VNN2: variants seen among roughly 807,000 people sequenced by gnomAD.
The protein encoded by VNN2 is vanin 2, also known as pantetheine hydrolase VNN2.
In VNN2, 43 loss-of-function variants were observed where a neutral mutation model predicts 43.0. The ratio of observed to expected loss-of-function variants is 1.00; its 90% confidence interval spans 0.78 to 1.29. VNN2 has a LOEUF of 1.29. Ranked by LOEUF, VNN2 falls within the 50% of genes most tolerant of loss-of-function variation. The probability of loss-of-function intolerance (pLI) is 0.00; values close to 1 mark genes in which losing one functional copy is unlikely to be tolerated. For synonymous variants in VNN2, 230 were observed against 224.3 expected, an observed-to-expected ratio of 1.03 and a Z score of -0.23; for missense variants, 652 against 619.7, an observed-to-expected ratio of 1.05 and a Z score of -0.55.
At chr6:132,748,122 C>A (rs1377115366) in intron 6 of VNN2, among the ~76,000 whole-genome samples, 1 of 152,126 alleles carries the variant, frequency 6.6e-6, no homozygotes. Flanking sequence ...ATGGCTAGAC[C>A]CTATGTCCTC....
At chr6:132,759,259 G>A (rs945720740), upstream of VNN2, among the ~76,000 whole-genome samples, 2 of 151,484 alleles carry the variant, frequency 1.3e-5, no homozygotes, top group African/African-American at 2.4e-5. Context: ...CAACATAGTG[G>A]AACCCCCCAT....
intron 2 of VNN2, among the ~76,000 whole-genome samples, chr6:132,756,910 T>C (rs1363871513): frequency 6.6e-6 from 1 of 152,214 alleles, no homozygotes; most frequent in Non-Finnish European, 1.5e-5. Flanking sequence ...TTTTAATATA[T>C]ATTAGAAGGT....
Position 132,757,675 on chromosome 6 carries a change from T to C in VNN2, c.209A>G (p.Glu70Gly), listed in dbSNP as rs771431120. The change falls in exon 1 of 7, where the codon GAG becomes GGG. Residue 70 changes from glutamate (E) to glycine (G), a missense_variant. Physicochemically the swap from Glu to Gly is moderately conservative, Grantham distance 98. Transcript: ENST00000326499. Reference protein sequence around the residue: ...ILETAIKQAAEQGARIIVTPE... With the variant: ...ILETAIKQAAGQGARIIVTPE... ...TTAACAGAAATAAGAGAATACCTGCTCAGCTGCCTGCTTGATCGCTGTCTC... is the reference window on the plus strand; with the variant it reads ...TTAACAGAAATAAGAGAATACCTGCCCAGCTGCCTGCTTGATCGCTGTCTC... The C allele has an allele frequency of 1.2e-6, 2 of 1,614,004 alleles. No homozygotes were observed. The highest frequency in any genetic ancestry group is 1.7e-6 in the Non-Finnish European group (2 of 1,179,848).
upstream of VNN2, chr6:132,758,042 T>TCA (rs1176308065): frequency 6.3e-6 from 1 of 159,470 alleles, no homozygotes; most frequent in Non-Finnish European, 1.0e-5. Flanking sequence ...TCTTCTTCTT[T>TCA]TTTTTTTTTT....
intron 2 of VNN2, 100 bp from the exon 3 acceptor site, chr6:132,756,135 G>T: frequency 8.7e-7 from 1 of 1,146,722 alleles, no homozygotes; most frequent in Non-Finnish European, 1.2e-6. Context: ...TGGAACTTAA[G>T]TTAATACAAA....
chr6:132,749,661 T>G, intron 6 of VNN2, 34 bp downstream of exon 6: 2 of 1,577,460 alleles, frequency 1.3e-6, no homozygotes, highest in Non-Finnish European at 1.7e-6. Flanking sequence ...AGAGAACATA[T>G]AAAATGAAAA....
chr6:132,749,966 C>A, intron 5 of VNN2, 101 bp from the exon 6 acceptor site: 2 of 1,147,816 alleles, frequency 1.7e-6, no homozygotes, highest in Non-Finnish European at 2.4e-6. Flanking sequence ...CAAACATTAT[C>A]TTTCTCTGAA....
chr6:132,751,300 T>A lies in VNN2; in HGVS notation c.1045A>T (p.Thr349Ser), dbSNP rs36092168. Residue 349 changes from threonine (T) to serine (S), a missense_variant, in exon 5 of 7, where the codon ACA (threonine) becomes TCA (serine). Thr to Ser is a moderately conservative substitution (Grantham distance 58). Transcript: ENST00000326499. ...TTTCCTGCATTTTCAAAAAGTTCTGTGAAGTTGAACCCATCCCTGGAAATA... is the reference window on the plus strand; with the variant it reads ...TTTCCTGCATTTTCAAAAAGTTCTGAGAAGTTGAACCCATCCCTGGAAATA... ...GFISRDGFNFTELFENAGNLT... is the reference protein window; with the variant it reads ...GFISRDGFNFSELFENAGNLT... 1,266 of 1,614,172 alleles carry A rather than the reference T, an allele frequency of 7.8e-4. No individual in the cohort carries two copies. Among genetic ancestry groups the A allele is most frequent in the Non-Finnish European group, 9.9e-4 (1,174 of 1,180,022 alleles).
At chr6:132,759,438 C>CAAAAAAAAAA (rs58195059), upstream of VNN2, among the ~76,000 whole-genome samples, 9 of 69,148 alleles carry the variant, frequency 1.3e-4, no homozygotes, top group East Asian at 4.7e-4. Flanking sequence ...AACTCCGTCT[C>CAAAAAAAAAA]AAAAAAAAAA....
intron 6 of VNN2, among the ~76,000 whole-genome samples, chr6:132,747,459 A>G (rs1261608484): frequency 3.3e-5 from 5 of 152,056 alleles, no homozygotes; most frequent in Admixed American, 2.0e-4. Flanking sequence ...TCCACCAAAA[A>G]TACAAAAAGT....
chr6:132,751,366 T>A lies in VNN2; in HGVS notation c.979A>T (p.Ile327Phe). The change falls in exon 5 of 7, where the codon ATC (isoleucine) becomes TTC (phenylalanine). Residue 327 changes from isoleucine (I) to phenylalanine (F), a missense_variant. By Grantham distance (21) the Ile-to-Phe change is conservative. Transcript: ENST00000326499. The stretch of plus-strand genomic sequence containing the variant: ...TTTTTCTGTACTGGAAATGGTTTGA[T>A]GGTGGTGGCGTAGGCATTCCAATTA... The part of the protein sequence containing the change: ...AVNWNAYATT[I>F]KPFPVQKNTF... 6.2e-7 allele frequency: 1 copy of A among 1,614,182 alleles called. No individual in the cohort carries two copies. Among genetic ancestry groups the A allele is most frequent in the Non-Finnish European group, 8.5e-7 (1 of 1,180,006 alleles).
intron 3 of VNN2, chr6:132,753,073 G>A (rs1780228747): frequency 4.5e-6 from 1 of 219,940 alleles, no homozygotes; most frequent in Non-Finnish European, 9.2e-6. Flanking sequence ...CTGAGACGGA[G>A]CCTCGCTCTA....
intron 3 of VNN2, 59 bp from the exon 4 acceptor site, chr6:132,752,808 T>C (rs1780204470): frequency 6.5e-7 from 1 of 1,541,194 alleles, no homozygotes; most frequent in African/African-American, 1.4e-5. Context: ...AAATGACTCA[T>C]AAAAACCCTC....
At chr6:132,756,406 A>G (rs1014555502) in intron 2 of VNN2, among the ~76,000 whole-genome samples, 10 of 152,166 alleles carry the variant, frequency 6.6e-5, no homozygotes, top group African/African-American at 2.4e-4. Context: ...TCTCTCTTAA[A>G]GCAAAACTCC....
rs111860927 is a variant in VNN2 at position 132,757,152 on chromosome 6, G to A, written c.344+264C>T. ...TACTTCAGAAATTAAGTTACTACTT[G>A]TATCTATGAGATCTCTTCCCTTAGT... On this transcript the variant is annotated intron_variant, in intron 2 of 6. Transcript: ENST00000326499. Among the ~76,000 whole-genome samples the A allele has an allele frequency of 5.9e-5, 9 of 152,262 alleles. 1 individual carries two copies. The highest frequency in any genetic ancestry group is 2.2e-4 in the African/African-American group (9 of 41,546).
At chr6:132,750,000 A>ATAATTAACT (rs1369895829) in intron 5 of VNN2, 135 bp from the exon 6 acceptor site, 2 of 797,336 alleles carry the variant, frequency 2.5e-6, no homozygotes, top group African/African-American at 3.6e-5. Flanking sequence ...CATGTGTCTT[A>ATAATTAACT]TAATTAACTG....
chr6:132,752,886 A>G (rs1450772030), intron 3 of VNN2, 137 bp from the exon 4 acceptor site: 12 of 903,208 alleles, frequency 1.3e-5, no homozygotes, highest in Non-Finnish European at 2.0e-5. Context: ...AAATCTGGCA[A>G]TTGGAAGTAA....
At chr6:132,753,605 G>T (rs904182164) in intron 3 of VNN2, 2 of 324,892 alleles carry the variant, frequency 6.2e-6, no homozygotes, top group South Asian at 4.9e-5. Flanking sequence ...ATGGTCTGCA[G>T]TGTAGAAAAA....
chr6:132,753,713 A>G (rs1780277635), intron 3 of VNN2: 2 of 216,390 alleles, frequency 9.2e-6, no homozygotes, highest in South Asian at 1.1e-4. Flanking sequence ...GCACTTTGGG[A>G]GGCCAAGGCA....
Sources: allele counts gnomAD v4.1 joint callset (sites outside exome capture counted in the v4.1 genomes callset), GRCh38; gene constraint gnomAD v4.1.1; transcripts MANE v1.5; gene names NCBI Gene and HGNC (gene_info 2026-07-23, HGNC 2026-07-21).